The following PIK3C3 variants were observed in gnomAD, a reference collection of about 807,000 sequenced individuals.
The protein encoded by PIK3C3 is phosphatidylinositol 3-kinase catalytic subunit type 3.
In PIK3C3, 95 loss-of-function variants were observed where a neutral mutation model predicts 126.1. The ratio of observed to expected loss-of-function variants is 0.75; its 90% CI spans 0.64 to 0.89. The LOEUF (loss-of-function observed/expected upper bound fraction) is 0.89, where lower values mean the gene tolerates loss of function less well. Among genes scored for constraint, PIK3C3 ranks in the 40% least tolerant of loss-of-function variants. The pLI is 0.00. For missense variants in PIK3C3, 829 were observed against 1,063.2 expected, an observed-to-expected ratio of 0.78 and a Z score of 3.06; for synonymous variants, 374 against 360.0, an observed-to-expected ratio of 1.04 and a Z score of -0.44.
chr18:42,050,622 T>C (rs929427773), intron 21 of PIK3C3: 1 of 152,228 alleles, frequency 6.6e-6, no homozygotes, highest in Non-Finnish European at 1.5e-5. Context: ...CCTCATCTCA[T>C]ATACTGAACC....
chr18:42,048,316 C>T (rs1984645916), intron 20 of PIK3C3, among the ~76,000 whole-genome samples: 5 of 152,188 alleles, frequency 3.3e-5, no homozygotes, highest in Admixed American at 3.3e-4. Flanking sequence ...TGGTCTGCAA[C>T]TACAGTCATC....
chr18:42,024,669 A>T (rs1234804836), intron 13 of PIK3C3, among the ~76,000 whole-genome samples: 1 of 151,912 alleles, frequency 6.6e-6, no homozygotes. Context: ...TCCCAACCTC[A>T]AGTGATTCAC....
intron 9 of PIK3C3, among the ~76,000 whole-genome samples, chr18:42,001,742 T>C (rs1982301565): frequency 1.3e-5 from 2 of 152,168 alleles, no homozygotes; most frequent in Middle Eastern, 3.2e-3. Flanking sequence ...TTAGATTGTT[T>C]CAGTTATTGA....
intron 22 of PIK3C3, among the ~76,000 whole-genome samples, chr18:42,061,549 G>A (rs767945738): frequency 1.3e-5 from 2 of 151,994 alleles, no homozygotes; most frequent in South Asian, 2.1e-4. Flanking sequence ...GCCACTGCAC[G>A]CTAGTCTGGG....
intron 10 of PIK3C3, among the ~76,000 whole-genome samples, chr18:42,008,054 T>G (rs182675363): frequency 8.3e-4 from 126 of 152,308 alleles, no homozygotes; most frequent in African/African-American, 2.7e-3. Flanking sequence ...TCATATCATA[T>G]AGTGTCTCAT....
At chr18:42,055,085 G>A (rs1340870171) in intron 21 of PIK3C3, among the ~76,000 whole-genome samples, 3 of 152,056 alleles carry the variant, frequency 2.0e-5, no homozygotes, top group South Asian at 2.1e-4. Flanking sequence ...CCCATTGATG[G>A]AGATAGGATC....
chr18:42,017,090 GAA>G (rs1030049588), intron 12 of PIK3C3, among the ~76,000 whole-genome samples: 2 of 152,032 alleles, frequency 1.3e-5, no homozygotes, highest in Admixed American at 6.6e-5. Context: ...CAGGTATCCA[GAA>G]AAGAGTGGCA....
rs1983451452 is a variant in PIK3C3, at chr18:42,024,229, C to T, written c.1485-3214C>T. Among the ~76,000 whole-genome samples the T allele has an allele frequency of 2.6e-5, 4 of 152,300 alleles. No homozygotes were observed. The South Asian group carries it at 8.3e-4, about 32-fold the overall frequency. On this transcript the variant is annotated intron_variant, in intron 13 of 24. Coordinates refer to ENST00000262039, the MANE Select transcript of PIK3C3 (RefSeq NM_002647.4). ...ATGGGTACCTGGACAATTTTGTTTG[C>T]ATTCCTACTTTAAGATGACAGCTTT...
intron 23 of PIK3C3, among the ~76,000 whole-genome samples, chr18:42,066,873 AC>A (rs1383220593): frequency 6.6e-6 from 1 of 152,034 alleles, no homozygotes; most frequent in Non-Finnish European, 1.5e-5. Context: ...AGGAAAGGAA[AC>A]CTTAGAAGAT....
At chr18:41,965,616 CTG>C (rs1246363971) in intron 3 of PIK3C3, among the ~76,000 whole-genome samples, 12 of 152,258 alleles carry the variant, frequency 7.9e-5, no homozygotes, top group African/African-American at 2.9e-4. Context: ...CTGAGTGAGT[CTG>C]TGAAAGGGAG....
chr18:42,058,680 A>C (rs1245768689), intron 22 of PIK3C3, among the ~76,000 whole-genome samples: 1 of 152,184 alleles, frequency 6.6e-6, no homozygotes, highest in Non-Finnish European at 1.5e-5. Context: ...TTTTTCTTCA[A>C]CACCACTAAA....
chr18:41,987,161 G>C (rs1202106238), intron 4 of PIK3C3, among the ~76,000 whole-genome samples: 18 of 151,996 alleles, frequency 1.2e-4, no homozygotes, highest in Admixed American at 1.2e-3. Flanking sequence ...TTCAAAACCT[G>C]GTTCTAATTT....
At chr18:42,006,452 C>G (rs1216151975) in intron 10 of PIK3C3, among the ~76,000 whole-genome samples, 1 of 152,108 alleles carries the variant, frequency 6.6e-6, no homozygotes, top group Non-Finnish European at 1.5e-5. Flanking sequence ...CTTCAGTTCT[C>G]TCTGTTCCCC....
chr18:42,031,645 G>C (rs532129738), intron 15 of PIK3C3, among the ~76,000 whole-genome samples: 6 of 152,088 alleles, frequency 3.9e-5, no homozygotes, highest in Non-Finnish European at 8.8e-5. Flanking sequence ...ATCTCAAACT[G>C]ACCTCAAGTG....
chr18:42,068,673 A>G (rs190583352), intron 24 of PIK3C3, among the ~76,000 whole-genome samples: 53 of 152,184 alleles, frequency 3.5e-4, no homozygotes, highest in Non-Finnish European at 5.9e-4. Flanking sequence ...TCCCGGGGCC[A>G]GGCGCGGTGG....
At chr18:42,008,012 T>C (rs62082280) in intron 10 of PIK3C3, among the ~76,000 whole-genome samples, 7,239 of 152,238 alleles carry the variant, frequency 0.048, 220 homozygotes, top group Middle Eastern at 0.099. Flanking sequence ...GAATGGCTTC[T>C]ATATATTATC....
At chr18:42,049,636 A>C in intron 21 of PIK3C3, 31 bp downstream of exon 21, 1 of 1,469,578 alleles carries the variant, frequency 6.8e-7, no homozygotes, top group South Asian at 1.1e-5. Flanking sequence ...GTAGACATAC[A>C]TTGTATATGC....
intron 22 of PIK3C3, among the ~76,000 whole-genome samples, chr18:42,064,213 A>G (rs1307524539): frequency 6.6e-6 from 1 of 152,144 alleles, no homozygotes; most frequent in Non-Finnish European, 1.5e-5. Flanking sequence ...TCTTTCTTAT[A>G]GAATTACTTT....
intron 15 of PIK3C3, among the ~76,000 whole-genome samples, chr18:42,030,312 A>G (rs539768163): frequency 1.3e-5 from 2 of 152,326 alleles, no homozygotes; most frequent in East Asian, 1.9e-4. Flanking sequence ...CTTGATGGGT[A>G]GAAGTGAATG....
Sources: allele counts gnomAD v4.1 joint callset (sites outside exome capture counted in the v4.1 genomes callset), GRCh38; gene constraint gnomAD v4.1.1; transcripts MANE v1.5; gene names NCBI Gene and HGNC (gene_info 2026-07-23, HGNC 2026-07-21).